Variants in STOX1 observed in about 807,000 individuals in gnomAD.
STOX1 encodes the protein storkhead box 1, also known as storkhead-box protein 1.
In STOX1, 57 loss-of-function variants were observed where a neutral mutation model predicts 74.8. The observed-to-expected ratio is 0.76, with a 90% CI of 0.62 to 0.95. STOX1 has a LOEUF of 0.95. Among genes scored for constraint, STOX1 ranks in the 40% least tolerant of loss-of-function variants. The pLI, the probability that STOX1 is intolerant of heterozygous loss-of-function variation, is 0.00. For synonymous variants in STOX1, 375 were observed against 401.3 expected, an observed-to-expected ratio of 0.93 and a Z score of 0.78; for missense variants, 1,010 against 1,117.0, an observed-to-expected ratio of 0.90 and a Z score of 1.37.
chr10:68,829,612 C>T (rs935566353), intron 1 of STOX1, among the ~76,000 whole-genome samples: 2 of 152,162 alleles, frequency 1.3e-5, no homozygotes, highest in Admixed American at 6.5e-5. Context: ...ACCTGACCCA[C>T]CGATAACTGT....
Position 68,886,078 on chromosome 10 carries a change from C to T in STOX1, c.2282C>T (p.Thr761Ile). 6.2e-7 allele frequency: 1 copy of T among 1,614,174 alleles called. No individual in the cohort carries two copies. The highest frequency in any genetic ancestry group is 8.5e-7 in the Non-Finnish European group (1 of 1,180,044). Residue 761 changes from threonine (T) to isoleucine (I), a missense_variant, in exon 3 of 4, where the codon ACA becomes ATA. Thr to Ile is a moderately conservative substitution (Grantham distance 89). Coordinates refer to ENST00000298596, the MANE Select transcript of STOX1 (RefSeq NM_152709.5). ...MLPGHSQYSFTGGSQGNHLGK... is the reference protein window; with the variant it reads ...MLPGHSQYSFIGGSQGNHLGK... Reference sequence around the variant, plus strand: ...CCTGGCCACAGTCAGTATTCCTTCACAGGTGGAAGCCAGGGAAATCATTTA... The same window carrying T: ...CCTGGCCACAGTCAGTATTCCTTCATAGGTGGAAGCCAGGGAAATCATTTA...
intron 1 of STOX1, among the ~76,000 whole-genome samples, chr10:68,844,625 G>A (rs74376629): frequency 0.011 from 1,708 of 152,168 alleles, 30 homozygotes; most frequent in African/African-American, 0.039. Flanking sequence ...AGTGTCTGTC[G>A]AAATGTTTTG....
chr10:68,872,453 C>T (rs1840560184), intron 1 of STOX1, among the ~76,000 whole-genome samples: 1 of 145,828 alleles, frequency 6.9e-6, no homozygotes, highest in African/African-American at 2.6e-5. Flanking sequence ...TCAAGTGATT[C>T]TCCTGCTTCA....
intron 1 of STOX1, among the ~76,000 whole-genome samples, chr10:68,849,435 A>G (rs1839927268): frequency 6.6e-6 from 1 of 152,194 alleles, no homozygotes; most frequent in Admixed American, 6.5e-5. Context: ...TCTTAATAGT[A>G]TGGAATGGCT....
At chr10:68,853,096 G>C (rs1237052522) in intron 1 of STOX1, among the ~76,000 whole-genome samples, 1 of 151,684 alleles carries the variant, frequency 6.6e-6, no homozygotes, top group Non-Finnish European at 1.5e-5. Flanking sequence ...CTAATTTTTT[G>C]TTATTTTTAG....
At chr10:68,834,945 G>C (rs1466086277) in intron 1 of STOX1, among the ~76,000 whole-genome samples, 1 of 150,842 alleles carries the variant, frequency 6.6e-6, no homozygotes, top group Non-Finnish European at 1.5e-5. Flanking sequence ...GCTGGTCTCA[G>C]ACTCAAAACC....
intron 1 of STOX1, among the ~76,000 whole-genome samples, chr10:68,849,057 G>T (rs1286893715): frequency 6.6e-6 from 1 of 152,160 alleles, no homozygotes; most frequent in South Asian, 2.1e-4. Flanking sequence ...TGTCCTGGAG[G>T]CCTCATTCTG....
intron 1 of STOX1, among the ~76,000 whole-genome samples, chr10:68,830,084 C>A (rs975655952): frequency 1.3e-5 from 2 of 152,068 alleles, no homozygotes; most frequent in Admixed American, 1.3e-4. Flanking sequence ...CCACTAATGC[C>A]CCAGTGAGCA....
intron 1 of STOX1, among the ~76,000 whole-genome samples, chr10:68,847,994 G>A (rs1839895267): frequency 6.6e-6 from 1 of 152,194 alleles, no homozygotes; most frequent in Non-Finnish European, 1.5e-5. Flanking sequence ...GCCTCTCAGA[G>A]TCCTGGGATT....
chr10:68,860,525 A>T (rs1366462825), intron 1 of STOX1, among the ~76,000 whole-genome samples: 1 of 137,490 alleles, frequency 7.3e-6, no homozygotes, highest in Non-Finnish European at 1.5e-5. Flanking sequence ...AGCTGAGATG[A>T]TGCCACTGCA....
At chr10:68,866,678 T>C (rs1840413089) in intron 1 of STOX1, among the ~76,000 whole-genome samples, 1 of 152,202 alleles carries the variant, frequency 6.6e-6, no homozygotes, top group African/African-American at 2.4e-5. Context: ...GTCCTACCGT[T>C]CCTTCTGGCA....
At chr10:68,879,417 C>CT (rs1840755537) in intron 1 of STOX1, among the ~76,000 whole-genome samples, 1 of 152,118 alleles carries the variant, frequency 6.6e-6, no homozygotes, top group Non-Finnish European at 1.5e-5. Context: ...ATTATTTTCT[C>CT]AAGTCTCAGA....
intron 3 of STOX1, among the ~76,000 whole-genome samples, chr10:68,888,056 T>C (rs1370498015): frequency 6.6e-6 from 1 of 150,394 alleles, no homozygotes; most frequent in South Asian, 2.1e-4. Flanking sequence ...CCTATACTTA[T>C]TCTAACACAC....
At chr10:68,869,307 G>C (rs1214661632) in intron 1 of STOX1, among the ~76,000 whole-genome samples, 1 of 152,192 alleles carries the variant, frequency 6.6e-6, no homozygotes, top group Non-Finnish European at 1.5e-5. Flanking sequence ...GTATATAGTA[G>C]ATAATAAATA....
intron 1 of STOX1, among the ~76,000 whole-genome samples, chr10:68,841,149 G>A (rs10998456): frequency 0.025 from 3,776 of 151,702 alleles, 83 homozygotes; most frequent in Non-Finnish European, 0.035. Flanking sequence ...GTTTCACCAT[G>A]TTGGTCAGGC....
Position 68,885,615 on chromosome 10 carries a change from T to C in STOX1, c.1819T>C (p.Tyr607His). The C allele has an allele frequency of 6.2e-7, 1 of 1,614,212 alleles. No individual in the cohort carries two copies. The highest frequency in any genetic ancestry group is 8.5e-7 in the Non-Finnish European group (1 of 1,180,036). Residue 607 changes from tyrosine to histidine, a missense_variant, in exon 3 of 4, where the codon TAT (tyrosine) becomes CAT (histidine). Coordinates refer to ENST00000298596, the MANE Select transcript of STOX1 (RefSeq NM_152709.5). ...TCCCTTTATGGAAAGCATGTTGAGATATGAAGTGTATGGTGGAGAAAATGA... is the reference window on the plus strand; with the variant it reads ...TCCCTTTATGGAAAGCATGTTGAGACATGAAGTGTATGGTGGAGAAAATGA... ...CCPFMESMLR[Y>H]EVYGGENEVI... is the part of the protein sequence containing the mutation.
intron 1 of STOX1, among the ~76,000 whole-genome samples, chr10:68,847,950 C>G (rs1839894288): frequency 6.6e-6 from 1 of 152,168 alleles, no homozygotes; most frequent in Non-Finnish European, 1.5e-5. Context: ...AGGCTGGTCT[C>G]AAACTCCCGA....
chr10:68,844,269 T>A (rs1360059324), intron 1 of STOX1, among the ~76,000 whole-genome samples: 1 of 150,784 alleles, frequency 6.6e-6, no homozygotes, highest in Non-Finnish European at 1.5e-5. Context: ...TTTTCATGTG[T>A]GCTTGTTTGC....
At chr10:68,828,343 G>T in intron 1 of STOX1, 1 of 1,051,270 alleles carries the variant, frequency 9.5e-7, no homozygotes, top group Non-Finnish European at 1.2e-6. Flanking sequence ...GCAGGGGCGA[G>T]CGCGGCCCCG....
Sources: allele counts gnomAD v4.1 joint callset (sites outside exome capture counted in the v4.1 genomes callset), GRCh38; gene constraint gnomAD v4.1.1; transcripts MANE v1.5; gene names NCBI Gene and HGNC (gene_info 2026-07-23, HGNC 2026-07-21).